HPSE2: variants seen among roughly 807,000 people sequenced by gnomAD.
The protein encoded by HPSE2 is heparanase 2 (inactive).
A neutral mutation model predicts 60.5 loss-of-function variants in HPSE2; 38 were observed. The ratio of observed to expected loss-of-function variants is 0.63; its 90% CI spans 0.48 to 0.82. The LOEUF is 0.82. Among genes scored for constraint, HPSE2 ranks in the 40% least tolerant of loss-of-function variants. The probability of loss-of-function intolerance (pLI) is 0.00; values close to 1 mark genes in which losing one functional copy is unlikely to be tolerated. For synonymous variants in HPSE2, 295 were observed against 293.2 expected (o/e 1.01, Z -0.06); for missense variants, 713 against 740.4 (o/e 0.96, Z 0.43).
upstream of HPSE2, among the ~76,000 whole-genome samples, chr10:99,240,660 C>T (rs150664850): frequency 2.0e-3 from 304 of 152,254 alleles, 1 homozygote; most frequent in African/African-American, 6.7e-3. Context: ...GATCTGCCCG[C>T]CTCGGCTTCC....
chr10:99,037,280 A>G (rs912683716), intron 3 of HPSE2, among the ~76,000 whole-genome samples: 3 of 152,156 alleles, frequency 2.0e-5, no homozygotes, highest in African/African-American at 7.2e-5. Flanking sequence ...CAAAAAGGAC[A>G]TTGGTAGAAA....
chr10:99,161,929 C>A (rs2133772350), intron 2 of HPSE2, among the ~76,000 whole-genome samples: 1 of 152,212 alleles, frequency 6.6e-6, no homozygotes, highest in South Asian at 2.1e-4. Context: ...ATAACCCAGG[C>A]ACAAAAAGAT....
chr10:98,724,715 G>A (rs1466934435), intron 4 of HPSE2, among the ~76,000 whole-genome samples: 1 of 152,116 alleles, frequency 6.6e-6, no homozygotes, highest in South Asian at 2.1e-4. Context: ...CTTTACCATT[G>A]TGTAATGGCC....
At chr10:99,132,158 A>G (rs1206774133) in intron 3 of HPSE2, among the ~76,000 whole-genome samples, 24 of 5,696 alleles carry the variant, frequency 4.2e-3, no homozygotes, top group African/African-American at 6.0e-3. Context: ...AGAAAGAAAG[A>G]AAGAAAGAAA....
chr10:98,710,093 T>G (rs542959489), intron 5 of HPSE2, among the ~76,000 whole-genome samples: 1 of 152,340 alleles, frequency 6.6e-6, no homozygotes, highest in African/African-American at 2.4e-5. Context: ...TCCTGAGTTA[T>G]AGTAAACCAG....
chr10:98,750,055 G>A (rs1017161263), intron 3 of HPSE2, among the ~76,000 whole-genome samples: 1 of 151,344 alleles, frequency 6.6e-6, no homozygotes, highest in Admixed American at 6.6e-5. Flanking sequence ...GTAAAGCAGG[G>A]TAGGAGATAG....
intron 9 of HPSE2, among the ~76,000 whole-genome samples, chr10:98,577,541 G>A (rs981935854): frequency 1.3e-5 from 2 of 152,122 alleles, no homozygotes; most frequent in Admixed American, 1.3e-4. Flanking sequence ...TCTCACAAAA[G>A]TCCTCATAAA....
chr10:99,235,751 G>T lies in HPSE2; in HGVS notation c.52C>A (p.Pro18Thr), dbSNP rs1326747297. The T allele has an allele frequency of 1.2e-6, 2 of 1,613,924 alleles. No homozygotes were observed. Among genetic ancestry groups the T allele is most frequent in the South Asian group, 1.1e-5 (1 of 91,070 alleles). The change falls in exon 1 of 12, where the codon CCC (proline) becomes ACC (threonine). Residue 18 changes from proline (P) to threonine (T), a missense_variant. By Grantham distance (38) the Pro-to-Thr change is conservative. Coordinates refer to ENST00000370552, the MANE Select transcript of HPSE2 (RefSeq NM_021828.5). The stretch of plus-strand genomic sequence containing the variant: ...GCCCCCGGGGCTAGGCACGCGGGGG[G>T]GCGGGAGTTGCTGGAGGGCATGGCT... The part of the protein sequence containing the change: ...PEAMPSSNSR[P>T]PACLAPGALY...
intron 3 of HPSE2, among the ~76,000 whole-genome samples, chr10:98,773,580 C>T (rs537918014): frequency 3.9e-5 from 6 of 152,198 alleles, no homozygotes; most frequent in African/African-American, 9.6e-5. Context: ...GCTTTAAAAA[C>T]GTATATATGC....
intron 3 of HPSE2, among the ~76,000 whole-genome samples, chr10:98,821,948 C>T (rs552884955): frequency 2.0e-5 from 3 of 152,224 alleles, no homozygotes; most frequent in East Asian, 1.9e-4. Context: ...GAAAGGTGCT[C>T]AGTCTTGGGC....
At chr10:99,004,877 T>C (rs1046031492) in intron 3 of HPSE2, among the ~76,000 whole-genome samples, 3 of 152,186 alleles carry the variant, frequency 2.0e-5, no homozygotes, top group African/African-American at 4.8e-5. Context: ...AAAGTCTTGA[T>C]CTTGCCTTCA....
chr10:98,954,118 A>G (rs750727075), intron 3 of HPSE2, among the ~76,000 whole-genome samples: 4 of 152,168 alleles, frequency 2.6e-5, no homozygotes, highest in Non-Finnish European at 5.9e-5. Context: ...AGCCTGGCCA[A>G]TATGGTAAAA....
intron 3 of HPSE2, among the ~76,000 whole-genome samples, chr10:99,070,106 G>GA (rs1275601210): frequency 6.6e-6 from 1 of 152,128 alleles, no homozygotes; most frequent in Non-Finnish European, 1.5e-5. Flanking sequence ...ATCCACAAAA[G>GA]AAAAAAACTG....
At chr10:98,594,635 C>A (rs1945181265) in intron 9 of HPSE2, among the ~76,000 whole-genome samples, 1 of 152,088 alleles carries the variant, frequency 6.6e-6, no homozygotes, top group African/African-American at 2.4e-5. Context: ...TGACAGGATT[C>A]CCTTCTTTTT....
At chr10:99,092,659 AAACATTCAAAGCCAGCCT>A (rs1251040650) in intron 3 of HPSE2, among the ~76,000 whole-genome samples, 1 of 152,192 alleles carries the variant, frequency 6.6e-6, no homozygotes, top group Non-Finnish European at 1.5e-5. Flanking sequence ...TTTTGGAGTA[AAACATTCAAAGCCAGCCT>A]AACATTCAAA....
chr10:98,982,272 A>G (rs529250624), intron 3 of HPSE2, among the ~76,000 whole-genome samples: 5 of 152,336 alleles, frequency 3.3e-5, no homozygotes, highest in Non-Finnish European at 5.9e-5. Context: ...AATCTGGAGC[A>G]GTGAGAAGAG....
chr10:98,605,066 T>A (rs1945538956), intron 9 of HPSE2, among the ~76,000 whole-genome samples: 2 of 152,228 alleles, frequency 1.3e-5, no homozygotes, highest in African/African-American at 4.8e-5. Context: ...TATCTGCCAA[T>A]GACGTCTTGT....
chr10:98,576,880 T>A (rs1455735458), intron 9 of HPSE2, among the ~76,000 whole-genome samples: 1 of 152,032 alleles, frequency 6.6e-6, no homozygotes, highest in African/African-American at 2.4e-5. Context: ...ATTACCACAG[T>A]AATATATTCA....
chr10:98,504,707 G>A (rs542075288), intron 9 of HPSE2, among the ~76,000 whole-genome samples: 9 of 151,226 alleles, frequency 6.0e-5, no homozygotes, highest in African/African-American at 7.3e-5. Context: ...GGAGAATGGC[G>A]TGAACCCAGG....
Sources: allele counts gnomAD v4.1 joint callset (sites outside exome capture counted in the v4.1 genomes callset), GRCh38; gene constraint gnomAD v4.1.1; transcripts MANE v1.5; gene names NCBI Gene and HGNC (gene_info 2026-07-23, HGNC 2026-07-21).